Variants in ZNF362 observed in about 807,000 individuals in gnomAD.
The protein encoded by ZNF362 is zinc finger protein 362.
ZNF362 carries 11 observed loss-of-function variants against 42.9 expected under a neutral mutation model. That is an observed-to-expected ratio of 0.26 (90% CI 0.16 to 0.42). The LOEUF (loss-of-function observed/expected upper bound fraction) is 0.42, where lower values mean the gene tolerates loss of function less well. Ranked by LOEUF, ZNF362 falls within the 20% of genes least tolerant of loss-of-function variation. The pLI, the probability that ZNF362 is intolerant of heterozygous loss-of-function variation, is 1.00. For missense variants in ZNF362, 362 were observed against 576.2 expected, an observed-to-expected ratio of 0.63 and a Z score of 3.81; for synonymous variants, 255 against 257.3, an observed-to-expected ratio of 0.99 and a Z score of 0.09.
the ZNF362 span, among the ~76,000 whole-genome samples, chr1:33,223,417 G>A: frequency 7.9e-5 from 12 of 152,292 alleles, no homozygotes; most frequent in African/African-American, 2.6e-4. Context: ...TTTGTAGATT[G>A]CCCAGTCTCA....
the ZNF362 span, among the ~76,000 whole-genome samples, chr1:33,178,261 G>A: frequency 6.6e-6 from 1 of 152,222 alleles, no homozygotes; most frequent in African/African-American, 2.4e-5. Flanking sequence ...ATCAGCTGCT[G>A]GGAGAGAAGG....
the ZNF362 span, chr1:33,142,930 C>T: frequency 1.2e-4 from 19 of 152,134 alleles, no homozygotes; most frequent in African/African-American, 4.1e-4. Flanking sequence ...GGGCGTGTCT[C>T]GATGGTTAGA....
chr1:33,285,691 C>G (rs1274398416), intron 6 of ZNF362, among the ~76,000 whole-genome samples: 1 of 152,186 alleles, frequency 6.6e-6, no homozygotes, highest in Non-Finnish European at 1.5e-5. Flanking sequence ...TTGAGTTTCT[C>G]TTTTTATTTG....
At chr1:33,183,211 T>C in the ZNF362 span, among the ~76,000 whole-genome samples, 2 of 152,140 alleles carry the variant, frequency 1.3e-5, no homozygotes, top group African/African-American at 2.4e-5. Flanking sequence ...TTGGTGATGG[T>C]TGGATACGGG....
intron 6 of ZNF362, among the ~76,000 whole-genome samples, chr1:33,291,233 A>T (rs1452475819): frequency 6.6e-6 from 1 of 152,086 alleles, no homozygotes; most frequent in African/African-American, 2.4e-5. Context: ...TCTTGAATTA[A>T]TTTTTGTATA....
chr1:33,253,100 A>G (rs920180405), upstream of ZNF362, among the ~76,000 whole-genome samples: 1 of 151,496 alleles, frequency 6.6e-6, no homozygotes, highest in Non-Finnish European at 1.5e-5. Context: ...TTGATAAGTA[A>G]GTATTCACTA....
At chr1:33,194,965 G>A in the ZNF362 span, 9 of 152,094 alleles carry the variant, frequency 5.9e-5, no homozygotes, top group East Asian at 1.7e-3. Context: ...GGAATGAAAA[G>A]GCACATTGAG....
chr1:33,281,038 C>T lies in ZNF362; in HGVS notation c.684-549C>T, dbSNP rs1050334272. On this transcript the variant is annotated intron_variant, in intron 5 of 8. Coordinates refer to ENST00000539719, the MANE Select transcript of ZNF362 (RefSeq NM_152493.3). The surrounding 1 kb of genome is among the most constrained non-coding windows in gnomAD (Gnocchi z 4.8). The stretch of plus-strand genomic sequence containing the variant: ...GAGCCGAGGTCGGGCCACTGCACTC[C>T]AACCTGGGTGACAGGGTGAGACTCT... Among the ~76,000 whole-genome samples the T allele has an allele frequency of 1.3e-5, 2 of 151,136 alleles. No homozygotes were observed. The highest frequency in any genetic ancestry group is 2.9e-5 in the Non-Finnish European group (2 of 67,862).
the ZNF362 span, among the ~76,000 whole-genome samples, chr1:33,182,640 C>A: frequency 6.9e-6 from 1 of 144,134 alleles, no homozygotes; most frequent in Non-Finnish European, 1.5e-5. Flanking sequence ...GTGTGTAAGG[C>A]GGTGAGGGGT....
chr1:33,205,230 C>T, the ZNF362 span, among the ~76,000 whole-genome samples: 5 of 152,174 alleles, frequency 3.3e-5, no homozygotes, highest in South Asian at 6.2e-4. Flanking sequence ...ACAACTATAA[C>T]GTCAGCACTT....
chr1:33,217,473 A>T, the ZNF362 span, among the ~76,000 whole-genome samples: 3 of 152,182 alleles, frequency 2.0e-5, no homozygotes, highest in South Asian at 6.2e-4. Context: ...ACTGGGTCAG[A>T]TGCAGCTCCA....
chr1:33,207,606 G>A, the ZNF362 span, among the ~76,000 whole-genome samples: 1 of 152,176 alleles, frequency 6.6e-6, no homozygotes, highest in African/African-American at 2.4e-5. Context: ...ATCCTCTCCA[G>A]CATCTGTTGT....
chr1:33,189,665 A>ATATATATG, the ZNF362 span, among the ~76,000 whole-genome samples: 1 of 17,202 alleles, frequency 5.8e-5, no homozygotes, highest in African/African-American at 1.1e-4. Context: ...ATATATATAT[A>ATATATATG]TATATATGTA....
At chr1:33,146,079 G>A in the ZNF362 span, 1 of 350,342 alleles carries the variant, frequency 2.9e-6, no homozygotes, top group East Asian at 8.0e-5. Context: ...GCAGATGGGG[G>A]CAGCTTTCCT....
At chr1:33,141,864 T>G in the ZNF362 span, 1 of 162,040 alleles carries the variant, frequency 6.2e-6, no homozygotes, top group East Asian at 1.5e-4. Context: ...TGTACTATTT[T>G]GTATTTAGGT....
the ZNF362 span, among the ~76,000 whole-genome samples, chr1:33,129,985 G>T: frequency 6.6e-6 from 1 of 152,036 alleles, no homozygotes; most frequent in African/African-American, 2.4e-5. The surrounding 1 kb of genome is among the most constrained non-coding windows in gnomAD (Gnocchi z 4.1). Flanking sequence ...TCAGCCTCCC[G>T]AGTAGTTGGG....
At chr1:33,162,516 C>G in the ZNF362 span, among the ~76,000 whole-genome samples, 1 of 152,240 alleles carries the variant, frequency 6.6e-6, no homozygotes, top group East Asian at 1.9e-4. Flanking sequence ...TCTCCCTCGG[C>G]TCTGCACCCC....
In ZNF362 at chr1:33,290,117, A is replaced by G. The variant is rs187626522; in HGVS notation, c.909-4820A>G. ...TTTTTTTATTTTTTTATTTATACTT[A>G]AAGTTCTAGGGGACATGTGCAGAAC... On this transcript the variant is annotated intron_variant, in intron 6 of 8. Transcript: ENST00000539719. 2.8e-3 allele frequency among the ~76,000 whole-genome samples: 428 copies of G among 152,024 alleles called. 2 individuals are homozygous for G. Among genetic ancestry groups the G allele is most frequent in the Admixed American group, 6.5e-3 (100 of 15,272 alleles).
the ZNF362 span, among the ~76,000 whole-genome samples, chr1:33,218,148 GA>G: frequency 2.0e-5 from 3 of 152,178 alleles, no homozygotes; most frequent in South Asian, 6.2e-4. Flanking sequence ...CAGTTAGGTA[GA>G]AAAATGTAGG....
Sources: gnomAD v4.1 joint callset for allele counts (sites outside exome capture counted in the v4.1 genomes callset) on GRCh38, gnomAD v4.1.1 for gene constraint, Gnocchi (gnomAD v3.1) non-coding constraint, MANE v1.5 for transcripts, NCBI Gene and HGNC (gene_info 2026-07-23, HGNC 2026-07-21) for gene names.